The following FAXC variants were observed in gnomAD, a reference collection of about 807,000 sequenced individuals.
The protein encoded by FAXC is failed axon connections homolog, metaxin like GST domain containing, also known as failed axon connections homolog.
FAXC carries 10 observed loss-of-function variants against 41.9 expected under a neutral mutation model. That is an observed-to-expected ratio of 0.24 (90% confidence interval 0.15 to 0.41). The LOEUF (loss-of-function observed/expected upper bound fraction) is 0.41. Ranked by LOEUF, FAXC falls within the 10% of genes least tolerant of loss-of-function variation. The pLI, the probability that FAXC is intolerant of heterozygous loss-of-function variation, is 1.00. For synonymous variants in FAXC, 183 were observed against 183.8 expected, an observed-to-expected ratio of 1.00 and a Z score of 0.03; for missense variants, 399 against 510.9, an observed-to-expected ratio of 0.78 and a Z score of 2.11.
At chr6:99,320,557 C>T (rs966224966) in intron 4 of FAXC, among the ~76,000 whole-genome samples, 1 of 152,184 alleles carries the variant, frequency 6.6e-6, no homozygotes, top group Non-Finnish European at 1.5e-5. Flanking sequence ...TCAACAGAGC[C>T]GCTTTTCTAG....
intron 4 of FAXC, among the ~76,000 whole-genome samples, chr6:99,318,109 A>T (rs981370349): frequency 6.6e-6 from 1 of 152,100 alleles, no homozygotes; most frequent in South Asian, 2.1e-4. Context: ...ATACAAAAAA[A>T]TTAGCTGGGC....
At chr6:99,313,867 G>T (rs1772236775) in intron 4 of FAXC, among the ~76,000 whole-genome samples, 1 of 152,156 alleles carries the variant, frequency 6.6e-6, no homozygotes, top group Admixed American at 6.5e-5. Context: ...CTACTCATGT[G>T]TCTGTCTCAT....
intron 2 of FAXC, among the ~76,000 whole-genome samples, chr6:99,340,062 T>C (rs1773365736): frequency 6.6e-6 from 1 of 152,080 alleles, no homozygotes; most frequent in African/African-American, 2.4e-5. Flanking sequence ...AATTCTAAGA[T>C]AATTTAGAGA....
intron 4 of FAXC, among the ~76,000 whole-genome samples, chr6:99,302,108 G>C (rs1009949563): frequency 6.6e-6 from 1 of 152,158 alleles, no homozygotes; most frequent in Non-Finnish European, 1.5e-5. Context: ...GGGTTGACTT[G>C]GGGAGGATCT....
At chr6:99,315,103 G>A (rs1488337517) in intron 4 of FAXC, among the ~76,000 whole-genome samples, 2 of 151,388 alleles carry the variant, frequency 1.3e-5, no homozygotes, top group South Asian at 2.1e-4. Flanking sequence ...GTGTGGTGCC[G>A]CACACCTGTA....
At chr6:99,328,939 T>C (rs767990111) in intron 3 of FAXC, among the ~76,000 whole-genome samples, 5 of 152,230 alleles carry the variant, frequency 3.3e-5, no homozygotes, top group Non-Finnish European at 7.3e-5. Flanking sequence ...TACTGCTAAG[T>C]AGTGTTTCTA....
chr6:99,289,993 A>C (rs1294441840), intron 5 of FAXC, among the ~76,000 whole-genome samples: 2 of 152,064 alleles, frequency 1.3e-5, no homozygotes, highest in East Asian at 1.9e-4. Context: ...AATTCAAAGT[A>C]TAGTTTCTAC....
At chr6:99,330,591 T>G (rs1186167240) in intron 3 of FAXC, among the ~76,000 whole-genome samples, 1 of 152,200 alleles carries the variant, frequency 6.6e-6, no homozygotes, top group Non-Finnish European at 1.5e-5. Context: ...TGCCTTTGCT[T>G]TTCATAAAAT....
intron 2 of FAXC, among the ~76,000 whole-genome samples, chr6:99,340,112 T>C (rs959726960): frequency 6.6e-6 from 1 of 152,162 alleles, no homozygotes; most frequent in Non-Finnish European, 1.5e-5. Context: ...AATTTTCTTT[T>C]TTTTTGAGAC....
intron 4 of FAXC, among the ~76,000 whole-genome samples, chr6:99,307,874 A>G (rs899930757): frequency 6.6e-6 from 1 of 152,218 alleles, no homozygotes; most frequent in African/African-American, 2.4e-5. Flanking sequence ...CTCTCAGGAA[A>G]TATTTCCCTC....
At chr6:99,319,806 A>G (rs1264246792) in intron 4 of FAXC, among the ~76,000 whole-genome samples, 1 of 152,192 alleles carries the variant, frequency 6.6e-6, no homozygotes, top group Non-Finnish European at 1.5e-5. Context: ...TTTTTAAATT[A>G]TATTTTCCAA....
intron 2 of FAXC, among the ~76,000 whole-genome samples, chr6:99,335,773 CA>C (rs1321533425): frequency 6.6e-6 from 1 of 152,128 alleles, no homozygotes; most frequent in East Asian, 1.9e-4. Context: ...TTCGCAGCAC[CA>C]ATTATCTATT....
At chr6:99,309,663 A>G (rs1291211736) in intron 4 of FAXC, among the ~76,000 whole-genome samples, 1 of 152,180 alleles carries the variant, frequency 6.6e-6, no homozygotes, top group East Asian at 1.9e-4. Flanking sequence ...GCTGAGTGAA[A>G]AGAAGAGTTA....
intron 5 of FAXC, among the ~76,000 whole-genome samples, chr6:99,290,846 C>G (rs1425477952): frequency 6.7e-6 from 1 of 150,350 alleles, no homozygotes; most frequent in East Asian, 2.0e-4. Flanking sequence ...GAGTCTTGCT[C>G]TGTCGCCCAG....
At chr6:99,334,984 C>T (rs1388988047) in intron 2 of FAXC, among the ~76,000 whole-genome samples, 1 of 152,186 alleles carries the variant, frequency 6.6e-6, no homozygotes, top group Non-Finnish European at 1.5e-5. Context: ...TACAAGAATC[C>T]TTTTCTCCAC....
intron 4 of FAXC, among the ~76,000 whole-genome samples, chr6:99,318,306 C>CACACAAAAAAA (rs147852055): frequency 7.4e-6 from 1 of 135,318 alleles, no homozygotes; most frequent in Non-Finnish European, 1.6e-5. Flanking sequence ...CACACACACA[C>CACACAAAAAAA]AAAATAGAAG....
At position 99,335,743 on chromosome 6, in the gene FAXC, T is replaced by C. The variant is rs1042093201; in HGVS notation, c.403-2196A>G. ...AAGATGGCCTTCCTGAGAGATCTTTTGTCTCCATGCTGACTTTTCTTCGCA... is the reference window on the plus strand; with the variant it reads ...AAGATGGCCTTCCTGAGAGATCTTTCGTCTCCATGCTGACTTTTCTTCGCA... On this transcript the variant is annotated intron_variant, in intron 2 of 5. Transcript: ENST00000389677. 3.9e-5 allele frequency among the ~76,000 whole-genome samples: 6 copies of C among 152,256 alleles called. No individual in the cohort carries two copies. In the East Asian group the frequency reaches 7.7e-4, roughly 19 times the overall value.
intron 4 of FAXC, among the ~76,000 whole-genome samples, chr6:99,318,306 C>CAAAAAAA (rs1554201375): frequency 1.1e-4 from 15 of 135,316 alleles, no homozygotes; most frequent in East Asian, 2.3e-4. Context: ...CACACACACA[C>CAAAAAAA]AAAATAGAAG....
At chr6:99,296,980 C>A (rs1771522543) in intron 4 of FAXC, among the ~76,000 whole-genome samples, 1 of 152,260 alleles carries the variant, frequency 6.6e-6, no homozygotes, top group South Asian at 2.1e-4. Context: ...CAAGGATGAC[C>A]AAAAACTGAG....
Sources: allele counts gnomAD v4.1 joint callset (sites outside exome capture counted in the v4.1 genomes callset), GRCh38; gene constraint gnomAD v4.1.1; transcripts MANE v1.5; gene names NCBI Gene and HGNC (gene_info 2026-07-23, HGNC 2026-07-21).